The following GALNT9 variants were observed in gnomAD, a reference collection of about 807,000 sequenced individuals.
GALNT9 encodes polypeptide N-acetylgalactosaminyltransferase 9.
In GALNT9, 47 loss-of-function variants were observed where a neutral mutation model predicts 63.1. That is an observed-to-expected ratio of 0.75 (90% CI 0.59 to 0.95). The LOEUF (loss-of-function observed/expected upper bound fraction) is 0.95, where lower values mean the gene tolerates loss of function less well. GALNT9 is among the 40% of genes least tolerant of loss of function. The pLI, the probability that GALNT9 is intolerant of heterozygous loss-of-function variation, is 0.00. For synonymous variants in GALNT9, 396 were observed against 365.7 expected (o/e 1.08, Z -0.94); for missense variants, 829 against 874.8 (o/e 0.95, Z 0.66).
intron 1 of GALNT9, among the ~76,000 whole-genome samples, chr12:132,291,001 G>T (rs1555242673): frequency 1.7e-5 from 1 of 60,572 alleles, no homozygotes. Flanking sequence ...CACAACCACA[G>T]TGCCCACGTC....
intron 2 of GALNT9, chr12:132,284,560 G>C (rs1462105399): frequency 6.6e-6 from 1 of 152,264 alleles, no homozygotes; most frequent in Non-Finnish European, 1.5e-5. Flanking sequence ...GTTAAATCAT[G>C]GTAACCATGA....
At chr12:132,305,582 C>A (rs1593117775) in intron 1 of GALNT9, among the ~76,000 whole-genome samples, 4 of 144,322 alleles carry the variant, frequency 2.8e-5, no homozygotes, top group African/African-American at 1.1e-4. Context: ...CCCAGACACG[C>A]CCTCACCCGG....
intron 9 of GALNT9, 45 bp downstream of exon 9, chr12:132,199,129 G>T: frequency 1.5e-6 from 2 of 1,322,112 alleles, no homozygotes; most frequent in Admixed American, 1.7e-5. Context: ...GGTGGCCTGG[G>T]GTCGTCCCCT....
At position 132,319,829 on chromosome 12, in the gene GALNT9, G is replaced by C. The variant is rs782411910; in HGVS notation, c.238+9137C>G. The stretch of plus-strand genomic sequence containing the variant: ...GTGCCCAGCCTCCCGCGTCCTTCTA[G>C]GGAGAAGCCGGATTTCCTGTAGAAC... On this transcript the variant is annotated intron_variant, in intron 1 of 10. Coordinates refer to ENST00000328957, the MANE Select transcript of GALNT9 (RefSeq NM_001122636.2). This position sits in a 1 kb window ranked among gnomAD's most constrained non-coding sequence, Gnocchi z 5.2. 2.0e-5 allele frequency among the ~76,000 whole-genome samples: 3 copies of C among 152,200 alleles called. No individual in the cohort carries two copies. Among genetic ancestry groups the C allele is most frequent in the Non-Finnish European group, 2.9e-5 (2 of 68,028 alleles).
Position 132,267,946 on chromosome 12 carries a change from CACAT to C in GALNT9, c.420-5325_420-5322del, listed in dbSNP as rs569047918. Among the ~76,000 whole-genome samples the C allele has an allele frequency of 7.4e-3, 1,106 of 150,104 alleles. 9 individuals are homozygous for C. Among genetic ancestry groups the C allele is most frequent in the African/African-American group, 0.025 (1,005 of 40,194 alleles). ...ACACACATGCACACACACACGCACT[CACAT>C]ACAGTCACACACATGCACACAAACC... On this transcript the variant is annotated intron_variant, in intron 2 of 10. Transcript: ENST00000328957.
intron 3 of GALNT9, among the ~76,000 whole-genome samples, chr12:132,261,459 A>C (rs1555239780): frequency 1.3e-5 from 2 of 152,144 alleles, no homozygotes; most frequent in African/African-American, 4.8e-5. Context: ...GGACACACAA[A>C]CGTGGCCTTC....
chr12:132,295,175 G>A (rs1487876797), intron 1 of GALNT9, among the ~76,000 whole-genome samples: 3 of 152,192 alleles, frequency 2.0e-5, no homozygotes, highest in African/African-American at 7.2e-5. Flanking sequence ...GAAGCCAGCG[G>A]GGCCTTCAGA....
At chr12:132,321,241 G>A (rs1384712015) in intron 1 of GALNT9, among the ~76,000 whole-genome samples, 2 of 151,192 alleles carry the variant, frequency 1.3e-5, no homozygotes, top group Admixed American at 1.3e-4. Context: ...CGAGGCCCCT[G>A]TCGGTCCGGA....
intron 2 of GALNT9, among the ~76,000 whole-genome samples, chr12:132,269,761 G>A (rs1879798281): frequency 6.6e-6 from 1 of 152,254 alleles, no homozygotes; most frequent in Non-Finnish European, 1.5e-5. Flanking sequence ...CGGTGGGGTG[G>A]CACGTGGCGC....
intron 6 of GALNT9, among the ~76,000 whole-genome samples, chr12:132,225,427 C>T (rs1877632562): frequency 6.7e-6 from 1 of 149,148 alleles, no homozygotes; most frequent in Non-Finnish European, 1.5e-5. Context: ...ACACTATATA[C>T]ACCCCCCACA....
At chr12:132,308,509 G>C (rs782486557) in intron 1 of GALNT9, among the ~76,000 whole-genome samples, 1 of 152,122 alleles carries the variant, frequency 6.6e-6, no homozygotes, top group Non-Finnish European at 1.5e-5. Context: ...CGGGTTCCCA[G>C]ACACTGCTAA....
intron 1 of GALNT9, among the ~76,000 whole-genome samples, chr12:132,317,079 G>A (rs1397968412): frequency 2.7e-5 from 4 of 150,354 alleles, no homozygotes; most frequent in Admixed American, 2.0e-4. Context: ...TATGGAGCAC[G>A]GTCCCATCCT....
In GALNT9 at chr12:132,257,194, C is replaced by G. The variant is rs78552084; in HGVS notation, c.959+495G>C. On this transcript the variant is annotated intron_variant, in intron 5 of 10. Transcript: ENST00000328957. ...TTTAAAATGTCAAACACAAGGCGAT[C>G]CTTTTCCTGCTAATTGGGGATTATC... 4.1e-3 allele frequency among the ~76,000 whole-genome samples: 622 copies of G among 152,322 alleles called. 20 individuals carry two copies. In the East Asian group the frequency reaches 0.066, roughly 16 times the overall value.
At chr12:132,198,021 G>T in intron 9 of GALNT9, 62 bp from the exon 10 acceptor site, 2 of 1,398,832 alleles carry the variant, frequency 1.4e-6, no homozygotes, top group South Asian at 2.5e-5. Context: ...AGTGAGCACT[G>T]ACAGGCCGTG....
chr12:132,203,476 C>T (rs1876355505), intron 7 of GALNT9, 29 bp downstream of exon 7: 6 of 1,609,934 alleles, frequency 3.7e-6, no homozygotes, highest in Non-Finnish European at 5.1e-6. Flanking sequence ...TGGGGCATGG[C>T]CCCGGCTCCC....
intron 6 of GALNT9, among the ~76,000 whole-genome samples, chr12:132,211,878 C>T (rs563971622): frequency 2.6e-4 from 39 of 152,358 alleles, no homozygotes; most frequent in Admixed American, 7.2e-4. Context: ...CCCTGCCCTG[C>T]AATCCACGCC....
At chr12:132,322,477 T>A (rs1868845454) in intron 1 of GALNT9, among the ~76,000 whole-genome samples, 2 of 152,196 alleles carry the variant, frequency 1.3e-5, no homozygotes, top group Admixed American at 6.5e-5. Context: ...CAAATGCCAG[T>A]TCGAGCACAG....
rs782086135 is a variant in GALNT9, at chr12:132,316,406, T to C, written c.238+12560A>G. ...GCATATACTTCCTTTAAAAATCTAT[T>C]TAGTGCTATAGCTTCACTAAAAAAG... is the stretch of plus-strand genomic sequence containing the variant. On this transcript the variant is annotated intron_variant, in intron 1 of 10. Coordinates refer to ENST00000328957, the MANE Select transcript of GALNT9 (RefSeq NM_001122636.2). The surrounding 1 kb of genome is among the most constrained non-coding windows in gnomAD (Gnocchi z 4.3). Among the ~76,000 whole-genome samples, 7 of 152,136 alleles carry C rather than the reference T, an allele frequency of 4.6e-5. No homozygotes were observed. Among genetic ancestry groups the C allele is most frequent in the Non-Finnish European group, 8.8e-5 (6 of 68,014 alleles).
In GALNT9 at chr12:132,245,120, C is replaced by A. The variant is rs1461274552; in HGVS notation, c.1077+2790G>T. 6.6e-6 allele frequency among the ~76,000 whole-genome samples: 1 copy of A among 151,936 alleles called. No homozygotes were observed. The highest frequency in any genetic ancestry group is 1.5e-5 in the Non-Finnish European group (1 of 67,964). The stretch of plus-strand genomic sequence containing the variant: ...ACCCGCGGTGACACAGGCTCCCCTG[C>A]CCCGCGGAGGAGTCAGGCCATCAGA... On this transcript the variant is annotated intron_variant, in intron 6 of 10. Coordinates refer to ENST00000328957, the MANE Select transcript of GALNT9 (RefSeq NM_001122636.2). This position sits in a 1 kb window ranked among gnomAD's most constrained non-coding sequence, Gnocchi z 6.3.
Sources: allele counts gnomAD v4.1 joint callset (sites outside exome capture counted in the v4.1 genomes callset), GRCh38; gene constraint gnomAD v4.1.1; non-coding constraint Gnocchi (gnomAD v3.1); transcripts MANE v1.5; gene names NCBI Gene and HGNC (gene_info 2026-07-23, HGNC 2026-07-21).